Variants in NRG3 observed in about 807,000 individuals in gnomAD.
NRG3 encodes neuregulin 3.
A neutral mutation model predicts 66.9 loss-of-function variants in NRG3; 31 were observed. The observed-to-expected ratio is 0.46, with a 90% CI of 0.35 to 0.63. The LOEUF is 0.63. Among genes scored for constraint, NRG3 ranks in the 20% least tolerant of loss-of-function variants. The pLI is 0.00. For synonymous variants in NRG3, 393 were observed against 359.4 expected (o/e 1.09, Z -1.06); for missense variants, 910 against 878.9 (o/e 1.04, Z -0.45).
chr10:82,009,445 A>G (rs1468319388), intron 1 of NRG3, among the ~76,000 whole-genome samples: 1 of 152,058 alleles, frequency 6.6e-6, no homozygotes, highest in East Asian at 1.9e-4. Flanking sequence ...AAGCATACAT[A>G]CCTAGTCTGT....
intron 3 of NRG3, among the ~76,000 whole-genome samples, chr10:82,833,740 C>A (rs886888495): frequency 1.3e-5 from 2 of 152,202 alleles, no homozygotes; most frequent in African/African-American, 4.8e-5. Flanking sequence ...CGTGCCATGA[C>A]ACACACATTT....
chr10:82,022,257 G>A (rs7093964), intron 1 of NRG3, among the ~76,000 whole-genome samples: 5,508 of 152,064 alleles, frequency 0.036, 337 homozygotes, highest in African/African-American at 0.13. Context: ...ACTAAATTGA[G>A]TAGGCAGGAA....
chr10:82,365,563 G>A (rs754503527), intron 2 of NRG3, among the ~76,000 whole-genome samples: 4 of 152,204 alleles, frequency 2.6e-5, no homozygotes, highest in Non-Finnish European at 5.9e-5. Flanking sequence ...AACTCGGAAA[G>A]CAAGCAAACC....
At chr10:82,854,330 A>G (rs474018) in intron 3 of NRG3, among the ~76,000 whole-genome samples, 69,672 of 151,974 alleles carry the variant, frequency 0.46, 16,300 homozygotes, top group Non-Finnish European at 0.49. Flanking sequence ...CATCAGGAAA[A>G]ATATTTAAGC....
intron 4 of NRG3, among the ~76,000 whole-genome samples, chr10:82,938,927 T>A (rs922175370): frequency 6.6e-6 from 1 of 152,162 alleles, no homozygotes; most frequent in African/African-American, 2.4e-5. Context: ...ACAGCTATTA[T>A]AGGTTCAGGA....
At chr10:81,946,932 G>C (rs1848898991) in intron 1 of NRG3, among the ~76,000 whole-genome samples, 1 of 152,156 alleles carries the variant, frequency 6.6e-6, no homozygotes, top group African/African-American at 2.4e-5. Flanking sequence ...AACTGTACTA[G>C]CTTCCTAGGG....
At chr10:81,897,961 C>A (rs1031960385) in intron 1 of NRG3, among the ~76,000 whole-genome samples, 3 of 152,074 alleles carry the variant, frequency 2.0e-5, no homozygotes, top group African/African-American at 7.2e-5. Context: ...TACCCATGCC[C>A]CAGGCCCCAC....
chr10:82,810,501 G>T (rs939736770), intron 3 of NRG3, among the ~76,000 whole-genome samples: 2 of 152,116 alleles, frequency 1.3e-5, no homozygotes, highest in African/African-American at 4.8e-5. Context: ...TGTGGCTCAC[G>T]CCTGTAATCC....
intron 1 of NRG3, among the ~76,000 whole-genome samples, chr10:82,166,429 C>A (rs917991135): frequency 6.6e-6 from 1 of 152,070 alleles, no homozygotes; most frequent in Non-Finnish European, 1.5e-5. Context: ...ATCTCTTTAA[C>A]TATTAAAATC....
intron 4 of NRG3, among the ~76,000 whole-genome samples, chr10:82,933,444 A>T (rs1201968991): frequency 6.6e-6 from 1 of 152,094 alleles, no homozygotes; most frequent in African/African-American, 2.4e-5. Flanking sequence ...GTATGGGCAA[A>T]TTATCCTCTA....
intron 3 of NRG3, among the ~76,000 whole-genome samples, chr10:82,835,498 A>T (rs1398432469): frequency 6.6e-6 from 1 of 152,208 alleles, no homozygotes; most frequent in Admixed American, 6.5e-5. Context: ...ATGACCCAGA[A>T]TCAGAAACCC....
intron 1 of NRG3, among the ~76,000 whole-genome samples, chr10:82,080,069 A>G (rs538271643): frequency 6.6e-6 from 1 of 152,276 alleles, no homozygotes; most frequent in East Asian, 1.9e-4. Flanking sequence ...GAGGTCTGCA[A>G]GGCAATCCAC....
intron 2 of NRG3, among the ~76,000 whole-genome samples, chr10:82,370,652 C>T (rs2084825292): frequency 6.6e-6 from 1 of 152,064 alleles, no homozygotes; most frequent in African/African-American, 2.4e-5. Context: ...AAGAGAGCGC[C>T]CTAAAACCCA....
intron 4 of NRG3, among the ~76,000 whole-genome samples, chr10:82,923,367 T>G (rs1220339723): frequency 6.6e-6 from 1 of 152,200 alleles, no homozygotes; most frequent in African/African-American, 2.4e-5. Context: ...TACAAATATC[T>G]TTCCCTGCCT....
At chr10:81,899,709 C>T (rs189242212) in intron 1 of NRG3, among the ~76,000 whole-genome samples, 1 of 152,296 alleles carries the variant, frequency 6.6e-6, no homozygotes, top group East Asian at 1.9e-4. Flanking sequence ...AGATGAAGGG[C>T]CTGGCCCCTG....
At chr10:81,879,512 C>A (rs1481539661) in intron 1 of NRG3, among the ~76,000 whole-genome samples, 1 of 152,100 alleles carries the variant, frequency 6.6e-6, no homozygotes, top group African/African-American at 2.4e-5. Context: ...CAGGTGGTAG[C>A]CCGGAGTCAT....
At chr10:82,733,472 A>G (rs2058017449) in intron 2 of NRG3, among the ~76,000 whole-genome samples, 1 of 152,182 alleles carries the variant, frequency 6.6e-6, no homozygotes, top group Non-Finnish European at 1.5e-5. Context: ...CATAATATAA[A>G]CCATCCCTCT....
chr10:82,505,313 T>TCTGAGGA (rs769216610), intron 2 of NRG3, among the ~76,000 whole-genome samples: 42 of 152,350 alleles, frequency 2.8e-4, no homozygotes, highest in Non-Finnish European at 4.9e-4. Flanking sequence ...AGCGGGAAGA[T>TCTGAGGA]CTGAGGACCT....
At chr10:82,897,251 A>T (rs1843742308) in intron 4 of NRG3, among the ~76,000 whole-genome samples, 1 of 152,228 alleles carries the variant, frequency 6.6e-6, no homozygotes, top group African/African-American at 2.4e-5. Context: ...TTTTGAGAAA[A>T]AAATAGACGT....
Sources: allele counts gnomAD v4.1 joint callset (sites outside exome capture counted in the v4.1 genomes callset), GRCh38; gene constraint gnomAD v4.1.1; transcripts MANE v1.5; gene names NCBI Gene and HGNC (gene_info 2026-07-23, HGNC 2026-07-21).